LRRC49: variants seen among roughly 807,000 people sequenced by gnomAD.
LRRC49 encodes leucine rich repeat containing 49.
In LRRC49, 50 loss-of-function variants were observed where a neutral mutation model predicts 83.3. The ratio of observed to expected loss-of-function variants is 0.60; its 90% CI spans 0.48 to 0.76. The LOEUF (loss-of-function observed/expected upper bound fraction) is 0.76. Ranked by LOEUF, LRRC49 falls within the 30% of genes least tolerant of loss-of-function variation. The pLI is 0.00. For synonymous variants in LRRC49, 286 were observed against 283.3 expected (o/e 1.01, Z -0.10); for missense variants, 704 against 809.1 (o/e 0.87, Z 1.58).
intron 8 of LRRC49, among the ~76,000 whole-genome samples, chr15:70,949,568 C>G (rs1033063303): frequency 6.6e-6 from 1 of 152,120 alleles, no homozygotes; most frequent in Non-Finnish European, 1.5e-5. Context: ...GGAACCCACT[C>G]GACCCCTCCC....
chr15:70,936,845 T>C (rs1265640754), intron 8 of LRRC49, 23 bp downstream of exon 8: 1 of 1,507,916 alleles, frequency 6.6e-7, no homozygotes, highest in Admixed American at 1.7e-5. Context: ...TCCCAAGTTG[T>C]CATTCATTAT....
At chr15:70,993,666 A>T (rs1046608532) in intron 11 of LRRC49, among the ~76,000 whole-genome samples, 1 of 152,264 alleles carries the variant, frequency 6.6e-6, no homozygotes, top group African/African-American at 2.4e-5. Context: ...ATAATACTTT[A>T]TAATGTTAAA....
At chr15:70,994,462 C>CTTTATTTA (rs562148532) in intron 11 of LRRC49, among the ~76,000 whole-genome samples, 2,629 of 151,574 alleles carry the variant, frequency 0.017, 29 homozygotes, top group South Asian at 0.026. Flanking sequence ...TCCATATGAG[C>CTTTATTTA]TTTATTTATT....
chr15:70,891,567 C>CTG (rs3220843), upstream of LRRC49, among the ~76,000 whole-genome samples: 8,860 of 136,754 alleles, frequency 0.065, 338 homozygotes, highest in Non-Finnish European at 0.079. Flanking sequence ...GGACAAGACT[C>CTG]TGTGTGTGTG....
intron 8 of LRRC49, among the ~76,000 whole-genome samples, chr15:70,940,560 G>A (rs937725153): frequency 6.6e-6 from 1 of 152,138 alleles, no homozygotes; most frequent in African/African-American, 2.4e-5. Context: ...TATTTTTTAT[G>A]AGCTCAGGTT....
chr15:70,889,366 C>A (rs539628018), upstream of LRRC49, among the ~76,000 whole-genome samples: 13 of 152,088 alleles, frequency 8.5e-5, no homozygotes, highest in South Asian at 2.1e-4. Flanking sequence ...AATCCCCCCC[C>A]CAAAAAAAAG....
intron 8 of LRRC49, among the ~76,000 whole-genome samples, chr15:70,950,615 T>C (rs923255595): frequency 1.3e-5 from 2 of 152,192 alleles, no homozygotes; most frequent in African/African-American, 2.4e-5. Context: ...GGGTTATTTG[T>C]TTTTTGCTTA....
intron 8 of LRRC49, among the ~76,000 whole-genome samples, chr15:70,945,518 CCTGT>C (rs2035975075): frequency 1.2e-5 from 1 of 84,280 alleles, no homozygotes; most frequent in African/African-American, 4.1e-5. Flanking sequence ...TATTTAACAA[CCTGT>C]GTGTGTGTGT....
At chr15:70,952,722 A>C (rs1029402279) in intron 8 of LRRC49, among the ~76,000 whole-genome samples, 7 of 152,126 alleles carry the variant, frequency 4.6e-5, no homozygotes, top group African/African-American at 1.7e-4. Flanking sequence ...TAATGCTATT[A>C]GTGGGGGTTG....
At chr15:70,980,024 G>A (rs913680708) in intron 9 of LRRC49, 77 bp from the exon 10 acceptor site, 3 of 862,846 alleles carry the variant, frequency 3.5e-6, no homozygotes, top group East Asian at 5.1e-5. Flanking sequence ...AGAAAACTGT[G>A]CTTAATAGGA....
chr15:70,889,367 C>T (rs564683477), upstream of LRRC49, among the ~76,000 whole-genome samples: 4 of 151,492 alleles, frequency 2.6e-5, no homozygotes, highest in Admixed American at 6.6e-5. Context: ...ATCCCCCCCC[C>T]AAAAAAAAGC....
At chr15:70,974,923 C>T (rs1252084472) in intron 9 of LRRC49, among the ~76,000 whole-genome samples, 2 of 152,012 alleles carry the variant, frequency 1.3e-5, no homozygotes, top group Admixed American at 1.3e-4. Context: ...AACAATCAAG[C>T]AAAACAATTC....
At chr15:70,882,443 A>C (rs900243836) in intron 2 of LRRC49, 1 of 1,598,036 alleles carries the variant, frequency 6.3e-7, no homozygotes, top group African/African-American at 1.3e-5. Flanking sequence ...AGAGCATTTG[A>C]TGTTGAGTTT....
chr15:70,860,280 C>T, intron 1 of LRRC49: 1 of 558,836 alleles, frequency 1.8e-6, no homozygotes, highest in Admixed American at 3.0e-5. Context: ...CAGCCCAAGC[C>T]CTCAGCCCAC....
chr15:70,993,607 T>C (rs1157925485), intron 11 of LRRC49, among the ~76,000 whole-genome samples: 1 of 152,228 alleles, frequency 6.6e-6, no homozygotes, highest in Non-Finnish European at 1.5e-5. Context: ...CCTAGAGCTA[T>C]ATTTAATATT....
Position 71,053,208 on chromosome 15 carries a change from C to T in LRRC49, c.*3596C>T. On this transcript the variant is annotated 3_prime_UTR_variant, in exon 16 of 16. Transcript: ENST00000260382. ...ATCAAGGTGATAGCGGCAGAGGCGT[C>T]AGAAAGTAGTTGGATCTTGGGTATA... 1 of 152,094 alleles carries T rather than the reference C, an allele frequency of 6.6e-6. No homozygotes were observed. The highest frequency in any genetic ancestry group is 1.5e-5 in the Non-Finnish European group (1 of 68,030). 9.4% of individuals were successfully genotyped at this position (152,094 alleles called of 1,614,324 possible).
chr15:70,909,879 A>ACACACACACACACACACACACAC (rs765588937), intron 5 of LRRC49, among the ~76,000 whole-genome samples: 2 of 76,940 alleles, frequency 2.6e-5, no homozygotes, highest in Non-Finnish European at 5.2e-5. Context: ...CACACACACA[A>ACACACACACACACACACACACAC]AACAAACAAA....
Position 70,930,447 on chromosome 15 carries a change from A to G in LRRC49, c.712-6314A>G, listed in dbSNP as rs144002249. Reference sequence around the variant, plus strand: ...GTTGTTCTGTTTATAGAGCACAGGCACAGTAGATTTAGCACAATTCTTAAG... The same window carrying G: ...GTTGTTCTGTTTATAGAGCACAGGCGCAGTAGATTTAGCACAATTCTTAAG... On this transcript the variant is annotated intron_variant, in intron 7 of 15. Coordinates refer to ENST00000260382, the MANE Select transcript of LRRC49 (RefSeq NM_017691.5). 3.9e-5 allele frequency among the ~76,000 whole-genome samples: 6 copies of G among 152,348 alleles called. 1 individual carries two copies. In the East Asian group the frequency reaches 1.2e-3, roughly 29 times the overall value.
rs1208548714 is a variant in LRRC49, at chr15:71,052,086, G to C, written c.*2474G>C. 6.6e-6 allele frequency: 1 copy of C among 152,174 alleles called. No individual in the cohort carries two copies. Among genetic ancestry groups the C allele is most frequent in the Non-Finnish European group, 1.5e-5 (1 of 68,048 alleles). 9.4% of individuals were successfully genotyped at this position (152,174 alleles called of 1,614,324 possible). A position where few individuals can be genotyped will look rare whatever the true frequency, so the allele number is the denominator to read the frequency against. ...GGTGAAGATAATCCCCAGATAAAAA[G>C]ACAAGGAGACCTGGGTCTGCTGGGT... On this transcript the variant is annotated 3_prime_UTR_variant, in exon 16 of 16. Coordinates refer to ENST00000260382, the MANE Select transcript of LRRC49 (RefSeq NM_017691.5).
Sources: gnomAD v4.1 joint callset for allele counts (sites outside exome capture counted in the v4.1 genomes callset) on GRCh38, gnomAD v4.1.1 for gene constraint, MANE v1.5 for transcripts, NCBI Gene and HGNC (gene_info 2026-07-23, HGNC 2026-07-21) for gene names.